The following PIERCE2 variants were observed in gnomAD, a reference collection of about 807,000 sequenced individuals.
PIERCE2 encodes the protein piercer of microtubule wall 2, also known as piercer of microtubule wall 2 protein.
chr15:55,408,720 G>C, the PIERCE2 span: 2 of 1,411,846 alleles, frequency 1.4e-6, no homozygotes, highest in Non-Finnish European at 1.9e-6. Context: ...CTTGCCATCT[G>C]CTGCATGAAA....
chr15:55,412,885 T>C, the PIERCE2 span, among the ~76,000 whole-genome samples: 147 of 152,266 alleles, frequency 9.7e-4, no homozygotes, highest in Non-Finnish European at 1.6e-3. Context: ...ATCCCAGTGC[T>C]GTGGGAAGCC....
the PIERCE2 span, chr15:55,418,283 C>T: frequency 3.9e-6 from 6 of 1,551,696 alleles, no homozygotes; most frequent in South Asian, 5.9e-5. Flanking sequence ...ACAACTGCCT[C>T]CTTGTGTGAA....
the PIERCE2 span, chr15:55,408,848 C>G: frequency 8.1e-7 from 1 of 1,238,890 alleles, no homozygotes; most frequent in South Asian, 1.4e-5. Flanking sequence ...TAATTTGAGG[C>G]ACCACCTACT....
chr15:55,418,388 A>T, the PIERCE2 span: 10 of 1,534,902 alleles, frequency 6.5e-6, no homozygotes, highest in Non-Finnish European at 8.7e-6. Context: ...GTATAAAACC[A>T]ATTCAAGTCA....
chr15:55,416,005 C>G, the PIERCE2 span, among the ~76,000 whole-genome samples: 5 of 152,040 alleles, frequency 3.3e-5, no homozygotes, highest in African/African-American at 1.2e-4. Flanking sequence ...AATAAAGTTT[C>G]TTAGGATAGA....
chr15:55,418,196 G>A, the PIERCE2 span: 3 of 1,565,368 alleles, frequency 1.9e-6, no homozygotes, highest in African/African-American at 4.1e-5. Context: ...TTATAATGGA[G>A]AATGATTTTA....
At chr15:55,408,544 A>G in the PIERCE2 span, 1 of 389,052 alleles carries the variant, frequency 2.6e-6, no homozygotes, top group Non-Finnish European at 4.6e-6. Context: ...TGCTATGGTT[A>G]CGAGTTGCAA....
At chr15:55,412,955 C>T in the PIERCE2 span, among the ~76,000 whole-genome samples, 1 of 152,044 alleles carries the variant, frequency 6.6e-6, no homozygotes, top group African/African-American at 2.4e-5. Context: ...CATAGCAAGA[C>T]CTCATCCCTA....
At chr15:55,416,827 G>C in the PIERCE2 span, among the ~76,000 whole-genome samples, 1 of 152,074 alleles carries the variant, frequency 6.6e-6, no homozygotes, top group Admixed American at 6.6e-5. Flanking sequence ...TGGTTGTCGT[G>C]GTGAGCTCCC....
At chr15:55,416,994 C>T in the PIERCE2 span, among the ~76,000 whole-genome samples, 1 of 151,858 alleles carries the variant, frequency 6.6e-6, no homozygotes, top group Non-Finnish European at 1.5e-5. Context: ...ACAAAACAAA[C>T]AAATTTGCTC....
chr15:55,413,645 A>T, the PIERCE2 span, among the ~76,000 whole-genome samples: 1 of 150,186 alleles, frequency 6.7e-6, no homozygotes. Context: ...CTGTAATCCC[A>T]GCTACTCGGG....
the PIERCE2 span, among the ~76,000 whole-genome samples, chr15:55,415,049 C>G: frequency 6.6e-6 from 1 of 152,168 alleles, no homozygotes; most frequent in Non-Finnish European, 1.5e-5. Flanking sequence ...GAACGTTTAT[C>G]TTACATCAAT....
At chr15:55,409,934 G>A in the PIERCE2 span, among the ~76,000 whole-genome samples, 3 of 152,130 alleles carry the variant, frequency 2.0e-5, no homozygotes, top group African/African-American at 7.2e-5. Context: ...TTTAATAAAA[G>A]TTGATGACAT....
chr15:55,410,914 A>T, the PIERCE2 span: 5 of 152,258 alleles, frequency 3.3e-5, no homozygotes, highest in African/African-American at 7.2e-5. Context: ...ATTTACTATT[A>T]TCCAGTATCT....
chr15:55,409,405 CA>C, the PIERCE2 span, among the ~76,000 whole-genome samples: 1,001 of 136,400 alleles, frequency 7.3e-3, 5 homozygotes, highest in Middle Eastern at 0.065. Flanking sequence ...AACTCCGTCT[CA>C]AAAAAAAAAA....
the PIERCE2 span, chr15:55,410,828 C>G: frequency 6.6e-6 from 1 of 152,138 alleles, no homozygotes; most frequent in Non-Finnish European, 1.5e-5. Context: ...AAAGCTTTCC[C>G]CTGTGCTGAG....
At chr15:55,412,839 A>G in the PIERCE2 span, among the ~76,000 whole-genome samples, 14 of 152,154 alleles carry the variant, frequency 9.2e-5, no homozygotes, top group Admixed American at 2.0e-4. Context: ...CTTTTAAGTT[A>G]AAAGCTGGGG....
chr15:55,418,396 T>C, the PIERCE2 span: 1 of 1,534,014 alleles, frequency 6.5e-7, no homozygotes, highest in Non-Finnish European at 8.7e-7. Context: ...CCAATTCAAG[T>C]CATTATGGTG....
At chr15:55,411,184 T>G in the PIERCE2 span, 1 of 152,130 alleles carries the variant, frequency 6.6e-6, no homozygotes, top group African/African-American at 2.4e-5. Flanking sequence ...TAAAATTTGG[T>G]GAGGCATGGT....
Sources: gnomAD v4.1 joint callset for allele counts (sites outside exome capture counted in the v4.1 genomes callset) on GRCh38, gnomAD v4.1.1 for gene constraint, MANE v1.5 for transcripts, NCBI Gene and HGNC (gene_info 2026-07-23, HGNC 2026-07-21) for gene names.